SLC13A3: variants seen among roughly 807,000 people sequenced by gnomAD.
SLC13A3 encodes the protein Na(+)/dicarboxylate cotransporter 3.
SLC13A3 carries 40 observed loss-of-function variants against 59.0 expected under a neutral mutation model. That is an observed-to-expected ratio of 0.68 (90% CI 0.53 to 0.88). SLC13A3 has a LOEUF of 0.88. Among genes scored for constraint, SLC13A3 ranks in the 40% least tolerant of loss-of-function variants. The pLI, the probability that SLC13A3 is intolerant of heterozygous loss-of-function variation, is 0.00. For missense variants in SLC13A3, 699 were observed against 783.2 expected (o/e 0.89, Z 1.28); for synonymous variants, 317 against 330.3 (o/e 0.96, Z 0.44).
intron 8 of SLC13A3, chr20:46,583,897 C>T (rs2146114348): frequency 1.0e-6 from 1 of 985,374 alleles, no homozygotes; most frequent in South Asian, 4.7e-5. Flanking sequence ...CAAGCAAATG[C>T]TTATCTTCCC....
intron 3 of SLC13A3, among the ~76,000 whole-genome samples, chr20:46,607,572 C>T (rs2062448559): frequency 6.6e-6 from 1 of 152,234 alleles, no homozygotes; most frequent in Non-Finnish European, 1.5e-5. Flanking sequence ...TCCCTCTTGA[C>T]ATCCTGCAGC....
chr20:46,571,026 G>C (rs2062024398), intron 10 of SLC13A3, among the ~76,000 whole-genome samples: 1 of 152,206 alleles, frequency 6.6e-6, no homozygotes, highest in Admixed American at 6.5e-5. Context: ...AATCATGGTG[G>C]AAGTGGAAGC....
upstream of SLC13A3, among the ~76,000 whole-genome samples, chr20:46,673,099 TG>T (rs2063102544): frequency 6.6e-6 from 1 of 152,162 alleles, no homozygotes. Flanking sequence ...TGAGCCTCCA[TG>T]GCCTTGTGGA....
chr20:46,603,008 G>A (rs558109790), intron 3 of SLC13A3, among the ~76,000 whole-genome samples: 122 of 151,932 alleles, frequency 8.0e-4, no homozygotes, highest in Middle Eastern at 6.8e-3. Context: ...GAGAAACCCC[G>A]TCTCCACTAA....
intron 1 of SLC13A3, among the ~76,000 whole-genome samples, chr20:46,630,417 G>T (rs1427731451): frequency 1.3e-5 from 2 of 152,208 alleles, no homozygotes; most frequent in African/African-American, 4.8e-5. Flanking sequence ...GTATTAGGAA[G>T]TGTCAGAGTT....
In SLC13A3 at chr20:46,559,204, G is replaced by A. The variant is rs1319664534; in HGVS notation, c.*818C>T. ...CCACAGAGGCCTATGGGGGCCACAT[G>A]TAGGAGAGTCCTGGCTGGAGGGGTC... On this transcript the variant is annotated 3_prime_UTR_variant, in exon 13 of 13. Coordinates refer to ENST00000279027, the MANE Select transcript of SLC13A3 (RefSeq NM_022829.6). 1 of 152,438 alleles carries A rather than the reference G, an allele frequency of 6.6e-6. No homozygotes were observed. Among genetic ancestry groups the A allele is most frequent in the Non-Finnish European group, 1.5e-5 (1 of 68,254 alleles). The allele number at this position is 152,438 out of a possible 1,614,324, so 9.4% of individuals were successfully genotyped here.
At chr20:46,590,922 T>C (rs1244693075) in intron 6 of SLC13A3, among the ~76,000 whole-genome samples, 1 of 151,798 alleles carries the variant, frequency 6.6e-6, no homozygotes, top group Non-Finnish European at 1.5e-5. Flanking sequence ...TCCCAGCTGT[T>C]TGGGGGGCCG....
At chr20:46,644,993 G>A (rs1287013841) in intron 1 of SLC13A3, among the ~76,000 whole-genome samples, 1 of 152,182 alleles carries the variant, frequency 6.6e-6, no homozygotes, top group East Asian at 1.9e-4. Flanking sequence ...GAGTTTTGGA[G>A]GCCAGAATTC....
chr20:46,603,549 ATTT>A (rs111841623), intron 3 of SLC13A3, among the ~76,000 whole-genome samples: 8 of 126,370 alleles, frequency 6.3e-5, no homozygotes, highest in Admixed American at 1.6e-4. Flanking sequence ...TAATTGTTGT[ATTT>A]TTTTTTTTTT....
chr20:46,678,968 C>T (rs1440350062), intron 1 of SLC13A3, among the ~76,000 whole-genome samples: 1 of 152,148 alleles, frequency 6.6e-6, no homozygotes, highest in African/African-American at 2.4e-5. Context: ...TCTCTTGTTC[C>T]TGCTTTCACC....
In SLC13A3 at chr20:46,567,281, A is replaced by G. The variant is rs139687752; in HGVS notation, c.1333-891T>C. On this transcript the variant is annotated intron_variant, in intron 10 of 12. Transcript: ENST00000279027. The stretch of plus-strand genomic sequence containing the variant: ...ATAATACTACAAATATTAACGTTGC[A>G]TTATTATTCATTGTCGTAAGAATCA... Among the ~76,000 whole-genome samples, 20 of 152,254 alleles carry G rather than the reference A, an allele frequency of 1.3e-4. No homozygotes were observed. The East Asian group carries it at 3.9e-3, about 29-fold the overall frequency.
intron 3 of SLC13A3, among the ~76,000 whole-genome samples, chr20:46,606,312 T>C (rs969117875): frequency 6.6e-6 from 1 of 152,200 alleles, no homozygotes; most frequent in Admixed American, 6.5e-5. Flanking sequence ...TATTAACCAC[T>C]TCCTATGTAC....
At chr20:46,659,735 G>GA (rs1413740725) in intron 1 of SLC13A3, among the ~76,000 whole-genome samples, 2 of 123,850 alleles carry the variant, frequency 1.6e-5, no homozygotes, top group African/African-American at 6.3e-5. Context: ...AAAAAAAAAA[G>GA]AAAAAACAAA....
Position 46,627,615 on chromosome 20 carries a change from T to C in SLC13A3, c.112-13890A>G, listed in dbSNP as rs147654487. On this transcript the variant is annotated intron_variant, in intron 1 of 12. Transcript: ENST00000279027. Reference sequence around the variant, plus strand: ...AGATTTGCTCATTAAAAGGAAACTGTGGGCCAATCAAAAAAAAAACTACAT... The same window carrying C: ...AGATTTGCTCATTAAAAGGAAACTGCGGGCCAATCAAAAAAAAAACTACAT... Among the ~76,000 whole-genome samples, 1,210 of 148,284 alleles carry C rather than the reference T, an allele frequency of 8.2e-3. 14 individuals carry two copies. Among genetic ancestry groups the C allele is most frequent in the African/African-American group, 0.028 (1,146 of 40,552 alleles).
At chr20:46,669,367 C>T (rs747431018) in intron 1 of SLC13A3, among the ~76,000 whole-genome samples, 8 of 152,052 alleles carry the variant, frequency 5.3e-5, no homozygotes, top group Non-Finnish European at 1.0e-4. Context: ...TGACTGAGCA[C>T]TTACTATGCC....
At chr20:46,633,507 C>G (rs1480099960) in intron 1 of SLC13A3, among the ~76,000 whole-genome samples, 1 of 152,186 alleles carries the variant, frequency 6.6e-6, no homozygotes, top group African/African-American at 2.4e-5. Context: ...CAGGGGAGAT[C>G]AAAAGGCAGG....
upstream of SLC13A3, among the ~76,000 whole-genome samples, chr20:46,655,922 C>T (rs185360200): frequency 7.0e-4 from 95 of 135,022 alleles, no homozygotes; most frequent in African/African-American, 1.9e-3. Flanking sequence ...ATTATATATA[C>T]GTATATAATA....
intron 1 of SLC13A3, among the ~76,000 whole-genome samples, chr20:46,625,720 G>A (rs2062661795): frequency 6.6e-6 from 1 of 152,134 alleles, no homozygotes; most frequent in African/African-American, 2.4e-5. Context: ...ATGTACTTCT[G>A]TCTCTGGCTG....
chr20:46,568,944 C>A lies in SLC13A3; in HGVS notation c.1333-2554G>T, dbSNP rs181732831. On this transcript the variant is annotated intron_variant, in intron 10 of 12. Coordinates refer to ENST00000279027, the MANE Select transcript of SLC13A3 (RefSeq NM_022829.6). Reference sequence around the variant, plus strand: ...AAAACGCCTGTTGCGTAGGGTTCTACTGGGGACTCTAAAGGGACTTCACCT... The same window carrying A: ...AAAACGCCTGTTGCGTAGGGTTCTAATGGGGACTCTAAAGGGACTTCACCT... 1.9e-3 allele frequency among the ~76,000 whole-genome samples: 295 copies of A among 152,300 alleles called. 1 individual carries two copies. The highest frequency in any genetic ancestry group is 6.6e-3 in the African/African-American group (276 of 41,584).
Sources: allele counts gnomAD v4.1 joint callset (sites outside exome capture counted in the v4.1 genomes callset), GRCh38; gene constraint gnomAD v4.1.1; transcripts MANE v1.5; gene names NCBI Gene and HGNC (gene_info 2026-07-23, HGNC 2026-07-21).